Variants in MCUR1 observed in about 807,000 individuals in gnomAD.
MCUR1 encodes mitochondrial calcium uniporter regulator 1.
In MCUR1, 37 loss-of-function variants were observed where a neutral mutation model predicts 42.0. That is an observed-to-expected ratio of 0.88 (90% CI 0.68 to 1.16). The LOEUF is 1.16. MCUR1 is among the 50% of genes most tolerant of loss of function. The probability of loss-of-function intolerance (pLI) is 0.00; values close to 1 mark genes in which losing one functional copy is unlikely to be tolerated. For synonymous variants in MCUR1, 229 were observed against 196.2 expected (o/e 1.17, Z -1.40); for missense variants, 469 against 468.4 (o/e 1.00, Z -0.01).
intron 1 of MCUR1, among the ~76,000 whole-genome samples, chr6:13,813,216 C>T (rs564955560): frequency 2.0e-5 from 3 of 152,206 alleles, no homozygotes; most frequent in Admixed American, 2.0e-4. Flanking sequence ...GAAGAAGTCG[C>T]CTAATGACTC....
At chr6:13,803,885 C>G (rs1464599015) in intron 2 of MCUR1, 1 of 983,978 alleles carries the variant, frequency 1.0e-6, no homozygotes, top group Non-Finnish European at 1.2e-6. Flanking sequence ...GTAATCCTAA[C>G]ACTCTGGGAG....
At chr6:13,812,509 G>C (rs1760259777) in intron 1 of MCUR1, among the ~76,000 whole-genome samples, 1 of 152,074 alleles carries the variant, frequency 6.6e-6, no homozygotes, top group African/African-American at 2.4e-5. Flanking sequence ...AAACAAATTG[G>C]AAATTACTAG....
At chr6:13,799,624 T>C (rs925094340) in intron 5 of MCUR1, among the ~76,000 whole-genome samples, 4 of 152,228 alleles carry the variant, frequency 2.6e-5, no homozygotes, top group African/African-American at 7.2e-5. Context: ...GAGCCTTTTC[T>C]CTGATACATA....
At chr6:13,797,365 T>G (rs1315646912) in intron 6 of MCUR1, among the ~76,000 whole-genome samples, 1 of 152,152 alleles carries the variant, frequency 6.6e-6, no homozygotes, top group Non-Finnish European at 1.5e-5. Context: ...CGGCTGAATA[T>G]TCAGACAGGG....
chr6:13,795,343 C>A (rs559701062), intron 6 of MCUR1, among the ~76,000 whole-genome samples: 3 of 152,234 alleles, frequency 2.0e-5, no homozygotes, highest in East Asian at 1.9e-4. Flanking sequence ...TCAACATTGA[C>A]TCACCCACAA....
At chr6:13,793,125 C>CAAAAA (rs781438643) in intron 7 of MCUR1, among the ~76,000 whole-genome samples, 52 of 87,668 alleles carry the variant, frequency 5.9e-4, no homozygotes, top group Admixed American at 9.7e-4. Flanking sequence ...GACCCCACCT[C>CAAAAA]AAAAAAAAAA....
intron 1 of MCUR1, 30 bp downstream of exon 1, chr6:13,813,985 G>A (rs1760299864): frequency 4.1e-6 from 5 of 1,229,366 alleles, no homozygotes; most frequent in South Asian, 4.1e-5. Context: ...CGCGAGACGA[G>A]CCCCCTCTCC....
chr6:13,794,495 C>A (rs1241043633), intron 6 of MCUR1, among the ~76,000 whole-genome samples: 1 of 152,148 alleles, frequency 6.6e-6, no homozygotes, highest in African/African-American at 2.4e-5. Context: ...CACGTCACTA[C>A]TTGAGTCTCA....
At chr6:13,801,413 A>G (rs1052422518) in intron 3 of MCUR1, 24 bp from the exon 4 acceptor site, 13 of 1,524,904 alleles carry the variant, frequency 8.5e-6, no homozygotes, top group Non-Finnish European at 1.1e-5. Flanking sequence ...AACAAAACAC[A>G]TAATCTAGTC....
chr6:13,810,624 A>G (rs907356513), intron 1 of MCUR1, among the ~76,000 whole-genome samples: 1 of 152,202 alleles, frequency 6.6e-6, no homozygotes, highest in Non-Finnish European at 1.5e-5. Flanking sequence ...GAGAGTAAAC[A>G]AAACAAAAAA....
At chr6:13,803,181 A>G (rs1235887293) in intron 2 of MCUR1, among the ~76,000 whole-genome samples, 1 of 151,852 alleles carries the variant, frequency 6.6e-6, no homozygotes, top group Non-Finnish European at 1.5e-5. Flanking sequence ...CCTGCCTCAG[A>G]CTCCGGAGTA....
chr6:13,807,887 T>A (rs1760146469), intron 1 of MCUR1, among the ~76,000 whole-genome samples: 1 of 152,244 alleles, frequency 6.6e-6, no homozygotes, highest in Admixed American at 6.5e-5. Flanking sequence ...CTAATGATGC[T>A]GAGCATTTTT....
intron 7 of MCUR1, among the ~76,000 whole-genome samples, chr6:13,792,440 G>A (rs1759751272): frequency 6.6e-6 from 1 of 152,144 alleles, no homozygotes; most frequent in Non-Finnish European, 1.5e-5. Context: ...TTCAAGAAAT[G>A]GAGTCTTAGA....
chr6:13,788,313 C>G lies in MCUR1; in HGVS notation c.*2496G>C, dbSNP rs1454841484. Reference sequence around the variant, plus strand: ...TCTGACCAAATAAAGTGAACACAGTCCTGAGCCCTCCTCTCTCCAGATATG... The same window carrying G: ...TCTGACCAAATAAAGTGAACACAGTGCTGAGCCCTCCTCTCTCCAGATATG... On this transcript the variant is annotated 3_prime_UTR_variant, in exon 9 of 9. Coordinates refer to ENST00000379170, the MANE Select transcript of MCUR1 (RefSeq NM_001031713.4). The G allele has an allele frequency of 1.3e-5, 2 of 152,150 alleles. No individual in the cohort carries two copies. The highest frequency in any genetic ancestry group is 2.1e-4 in the South Asian group (1 of 4,824). The allele number at this position is 152,150 out of a possible 1,614,324, so 9.4% of individuals were successfully genotyped here.
At position 13,786,777 on chromosome 6, in the gene MCUR1, A is replaced by G. The variant is rs190377989; in HGVS notation, c.*4032T>C. 1.8e-4 allele frequency: 27 copies of G among 152,336 alleles called. No individual in the cohort carries two copies. Among genetic ancestry groups the G allele is most frequent in the Non-Finnish European group, 3.2e-4 (22 of 68,032 alleles). 9.4% of individuals were successfully genotyped at this position (152,336 alleles called of 1,614,324 possible). On this transcript the variant is annotated 3_prime_UTR_variant, in exon 9 of 9. Coordinates refer to ENST00000379170, the MANE Select transcript of MCUR1 (RefSeq NM_001031713.4). ...AGAATCTTACACTTTATTAGATAAT[A>G]AAACATAATTGATATTTGCTTAAGT...
chr6:13,802,802 G>A (rs532151886), intron 2 of MCUR1, among the ~76,000 whole-genome samples: 10 of 151,958 alleles, frequency 6.6e-5, no homozygotes, highest in African/African-American at 2.4e-4. Context: ...TTTATAATGT[G>A]TACATTATTA....
At chr6:13,790,995 G>GA (rs1165377376) in intron 8 of MCUR1, 131 bp from the exon 9 acceptor site, 2 of 589,848 alleles carry the variant, frequency 3.4e-6, no homozygotes, top group Non-Finnish European at 5.9e-6. Flanking sequence ...CATATTCCGT[G>GA]AAACGCCTGC....
In MCUR1 at chr6:13,794,875, G is replaced by C. The variant is rs11961150; in HGVS notation, c.856-928C>G. Among the ~76,000 whole-genome samples, 877 of 152,166 alleles carry C rather than the reference G, an allele frequency of 5.8e-3. 4 individuals are homozygous for C. The highest frequency in any genetic ancestry group is 9.6e-3 in the Non-Finnish European group (656 of 67,996). ...ATTCTACCCAGAGTTAAAGTATCTCGCCTTTTGGCTATTAATGTCAGTGAA... is the reference window on the plus strand; with the variant it reads ...ATTCTACCCAGAGTTAAAGTATCTCCCCTTTTGGCTATTAATGTCAGTGAA... On this transcript the variant is annotated intron_variant, in intron 6 of 8. Coordinates refer to ENST00000379170, the MANE Select transcript of MCUR1 (RefSeq NM_001031713.4).
chr6:13,788,020 T>C lies in MCUR1; in HGVS notation c.*2789A>G, dbSNP rs3757254. The C allele has an allele frequency of 0.29, 43,373 of 152,050 alleles. 6,446 individuals are homozygous for C. The highest frequency in any genetic ancestry group is 0.36 in the East Asian group (1,848 of 5,142). 9.4% of individuals were successfully genotyped at this position (152,050 alleles called of 1,614,324 possible). A position where few individuals can be genotyped will look rare whatever the true frequency, so the allele number is the denominator to read the frequency against. On this transcript the variant is annotated 3_prime_UTR_variant, in exon 9 of 9. Coordinates refer to ENST00000379170, the MANE Select transcript of MCUR1 (RefSeq NM_001031713.4). ...GTCTCAGCCTCCCGAGTAGCTAGGA[T>C]TACAGGGGTGTGCCACCACGCCTGG...
Sources: gnomAD v4.1 joint callset for allele counts (sites outside exome capture counted in the v4.1 genomes callset) on GRCh38, gnomAD v4.1.1 for gene constraint, MANE v1.5 for transcripts, NCBI Gene and HGNC (gene_info 2026-07-23, HGNC 2026-07-21) for gene names.